PHEX: variants seen among roughly 807,000 people sequenced by gnomAD.
PHEX encodes the protein phosphate regulating endopeptidase X-linked, also known as phosphate-regulating neutral endopeptidase PHEX.
A neutral mutation model predicts 68.0 loss-of-function variants in PHEX; 16 were observed. The ratio of observed to expected loss-of-function variants is 0.24; its 90% CI spans 0.16 to 0.36. The LOEUF is 0.36. Ranked by LOEUF, PHEX falls within the 10% of genes least tolerant of loss-of-function variation. The probability of loss-of-function intolerance (pLI) is 1.00; values close to 1 mark genes in which losing one functional copy is unlikely to be tolerated. For missense variants in PHEX, 480 were observed against 575.5 expected (o/e 0.83, Z 1.70); for synonymous variants, 208 against 205.1 (o/e 1.01, Z -0.12).
chrX:22,132,237 C>T (rs1932039196), intron 11 of PHEX, among the ~76,000 whole-genome samples: 1 of 111,213 alleles, frequency 9.0e-6, no homozygotes, highest in Non-Finnish European at 1.9e-5. Context: ...GTACCTAGGA[C>T]TACAGGTGCA....
At chrX:22,067,654 C>G (rs1057279002) in intron 3 of PHEX, among the ~76,000 whole-genome samples, 3 of 110,772 alleles carry the variant, frequency 2.7e-5, no homozygotes, top group Non-Finnish European at 3.8e-5. Context: ...CAAGAAAGAC[C>G]GGTGAGTGCT....
At chrX:22,237,913 C>T (rs919119266) in intron 20 of PHEX, among the ~76,000 whole-genome samples, 1 of 112,820 alleles carries the variant, frequency 8.9e-6, no homozygotes, top group Non-Finnish European at 1.9e-5. Flanking sequence ...GCAGAAACAA[C>T]ACGACAAAGT....
rs184524816 is a variant in PHEX at position 22,201,702 on chromosome X, G to C, written c.1645+11200G>C. 2.7e-5 allele frequency among the ~76,000 whole-genome samples: 3 copies of C among 111,789 alleles called. No homozygotes were observed. The Admixed American group carries it at 2.9e-4, about 11-fold the overall frequency. ...AAGTCCCAGAACCAATGCCTGTAAG[G>C]ATGCAATTTGCCGCTTGCAGGGTAT... On this transcript the variant is annotated intron_variant, in intron 15 of 21. Transcript: ENST00000379374.
chrX:22,177,809 T>C (rs145932757), intron 13 of PHEX, among the ~76,000 whole-genome samples: 38 of 112,018 alleles, frequency 3.4e-4, no homozygotes, highest in African/African-American at 1.2e-3. Context: ...CTACCAATTA[T>C]TTGACTAAAT....
chrX:22,178,818 A>T (rs1396105332), intron 14 of PHEX, among the ~76,000 whole-genome samples: 1 of 112,052 alleles, frequency 8.9e-6, no homozygotes, highest in Non-Finnish European at 1.9e-5. Flanking sequence ...CAAAGAACTG[A>T]TAGCTATATT....
rs145339119 is a variant in PHEX at position 22,241,427 on chromosome X, A to T, written c.2071-3906A>T. ...CAGAAAACAAGAAATAACTAAGATC[A>T]GAGCAGAACGGAAGGAGATAGAGAC... On this transcript the variant is annotated intron_variant, in intron 20 of 21. Transcript: ENST00000379374. Among the ~76,000 whole-genome samples the T allele has an allele frequency of 3.2e-3, 355 of 111,978 alleles. 2 individuals carry two copies. Among genetic ancestry groups the T allele is most frequent in the African/African-American group, 0.011 (330 of 30,770 alleles).
chrX:22,198,450 G>A (rs918974768), intron 15 of PHEX, among the ~76,000 whole-genome samples: 4 of 109,971 alleles, frequency 3.6e-5, no homozygotes, highest in Admixed American at 2.0e-4. Flanking sequence ...ACAGTGGAGG[G>A]GCAATTAAGC....
chrX:22,221,522 C>CT, intron 17 of PHEX, 91 bp from the exon 18 acceptor site: 1 of 809,545 alleles, frequency 1.2e-6, no homozygotes, highest in South Asian at 2.1e-5. Flanking sequence ...GTTATGACTG[C>CT]TTTTTGAAGG....
intron 20 of PHEX, among the ~76,000 whole-genome samples, chrX:22,236,781 A>G (rs938121164): frequency 2.2e-5 from 2 of 90,786 alleles, no homozygotes; most frequent in African/African-American, 9.2e-5. Flanking sequence ...TCTAGAGGAC[A>G]AAGTATAGTG....
chrX:22,168,464 TCC>T (rs1933412797), intron 13 of PHEX, 75 bp downstream of exon 13: 3 of 655,080 alleles, frequency 4.6e-6, no homozygotes, highest in Non-Finnish European at 7.6e-6. Context: ...CTAACCCAAG[TCC>T]TAGCAATTAA....
At chrX:22,239,772 A>G (rs935160347) in intron 20 of PHEX, among the ~76,000 whole-genome samples, 1 of 111,800 alleles carries the variant, frequency 8.9e-6, no homozygotes, top group Non-Finnish European at 1.9e-5. Flanking sequence ...TGATGGGTGT[A>G]CCTGAAAGTG....
At chrX:22,131,271 C>T (rs901903702) in intron 11 of PHEX, among the ~76,000 whole-genome samples, 4 of 111,367 alleles carry the variant, frequency 3.6e-5, no homozygotes, top group East Asian at 5.6e-4. Flanking sequence ...GAACTCCTGA[C>T]CTCAAGTAAT....
intron 1 of PHEX, among the ~76,000 whole-genome samples, chrX:22,034,140 C>T (rs1249099794): frequency 1.8e-5 from 2 of 111,838 alleles, no homozygotes; most frequent in Non-Finnish European, 3.8e-5. Flanking sequence ...GCGAAATCTC[C>T]TACTCCTGCA....
chrX:22,237,961 G>A (rs1936040772), intron 20 of PHEX, among the ~76,000 whole-genome samples: 1 of 112,708 alleles, frequency 8.9e-6, no homozygotes, highest in Admixed American at 9.4e-5. Context: ...ACATGAGTCA[G>A]CAGTGGGGCT....
intron 15 of PHEX, among the ~76,000 whole-genome samples, chrX:22,207,195 C>G (rs972504020): frequency 2.7e-5 from 3 of 110,488 alleles, no homozygotes; most frequent in African/African-American, 1.0e-4. Context: ...TGTGGCTTTC[C>G]CAGGTGCAGA....
chrX:22,103,404 C>A (rs927159247), intron 9 of PHEX, among the ~76,000 whole-genome samples: 4 of 111,125 alleles, frequency 3.6e-5, no homozygotes, highest in African/African-American at 1.3e-4. Context: ...GTGTACCCAT[C>A]ACCTGAGCAG....
intron 12 of PHEX, among the ~76,000 whole-genome samples, chrX:22,151,449 A>C (rs1160796925): frequency 9.0e-6 from 1 of 111,626 alleles, no homozygotes; most frequent in Non-Finnish European, 1.9e-5. Context: ...ACTCTCATCT[A>C]TCTTTATGAC....
At chrX:22,102,693 C>T (rs1930483356) in intron 9 of PHEX, among the ~76,000 whole-genome samples, 1 of 112,587 alleles carries the variant, frequency 8.9e-6, no homozygotes, top group Non-Finnish European at 1.9e-5. Flanking sequence ...GGATGGTAAG[C>T]ATCTTCAGTG....
intron 11 of PHEX, among the ~76,000 whole-genome samples, chrX:22,132,998 C>T (rs1932080029): frequency 9.0e-6 from 1 of 110,742 alleles, no homozygotes; most frequent in African/African-American, 3.3e-5. Flanking sequence ...GCAATCCTCT[C>T]ACTTCAGCCT....
Sources: allele counts gnomAD v4.1 joint callset (sites outside exome capture counted in the v4.1 genomes callset), GRCh38; gene constraint gnomAD v4.1.1; transcripts MANE v1.5; gene names NCBI Gene and HGNC (gene_info 2026-07-23, HGNC 2026-07-21).